Variants in ROBO2 observed in about 807,000 individuals in gnomAD.
The protein encoded by ROBO2 is roundabout guidance receptor 2, also known as roundabout homolog 2.
Under a neutral mutation model 160.8 loss-of-function variants are expected in ROBO2, and 53 were observed. The observed-to-expected ratio is 0.33, with a 90% CI of 0.26 to 0.41. ROBO2 has a LOEUF of 0.41. Among genes scored for constraint, ROBO2 ranks in the 10% least tolerant of loss-of-function variants. The probability of loss-of-function intolerance (pLI) is 1.00; values close to 1 mark genes in which losing one functional copy is unlikely to be tolerated. For synonymous variants in ROBO2, 664 were observed against 611.7 expected, an observed-to-expected ratio of 1.09 and a Z score of -1.26; for missense variants, 1,577 against 1,722.4, an observed-to-expected ratio of 0.92 and a Z score of 1.49.
chr3:77,131,076 G>A (rs904460035), intron 2 of ROBO2, among the ~76,000 whole-genome samples: 1 of 152,034 alleles, frequency 6.6e-6, no homozygotes, highest in East Asian at 1.9e-4. Flanking sequence ...AGTGAAAATG[G>A]CATTAATGGG....
At chr3:77,486,837 T>A (rs1228345788) in intron 4 of ROBO2, among the ~76,000 whole-genome samples, 1 of 152,078 alleles carries the variant, frequency 6.6e-6, no homozygotes, top group African/African-American at 2.4e-5. Context: ...TTCCCCACCA[T>A]CCCCCACCAC....
At chr3:77,500,841 A>C (rs1325404518) in intron 5 of ROBO2, among the ~76,000 whole-genome samples, 1 of 152,192 alleles carries the variant, frequency 6.6e-6, no homozygotes, top group Non-Finnish European at 1.5e-5. Flanking sequence ...TCTGTTAAGA[A>C]TCTCAGCTTA....
At chr3:77,233,772 CTTATTAATTA>C (rs2087551070) in intron 2 of ROBO2, among the ~76,000 whole-genome samples, 1 of 151,882 alleles carries the variant, frequency 6.6e-6, no homozygotes, top group African/African-American at 2.4e-5. Context: ...GCAATTAATT[CTTATTAATTA>C]CCTTATATCT....
At chr3:76,559,602 C>T (rs181411660) in intron 2 of ROBO2, among the ~76,000 whole-genome samples, 5 of 152,148 alleles carry the variant, frequency 3.3e-5, no homozygotes, top group East Asian at 1.9e-4. Context: ...TGGCCAAAAG[C>T]GGTGGGATGC....
At chr3:76,776,967 A>G (rs1356853546) in intron 2 of ROBO2, among the ~76,000 whole-genome samples, 1 of 150,992 alleles carries the variant, frequency 6.6e-6, no homozygotes, top group African/African-American at 2.4e-5. Context: ...ACTCACGTTC[A>G]GAGTATCTTG....
chr3:76,655,858 A>G (rs1171054318), intron 2 of ROBO2, among the ~76,000 whole-genome samples: 1 of 151,920 alleles, frequency 6.6e-6, no homozygotes, highest in East Asian at 2.0e-4. Flanking sequence ...AATATATTTC[A>G]ACACAAAGTT....
At chr3:77,606,104 G>T (rs1168146720) in intron 20 of ROBO2, among the ~76,000 whole-genome samples, 1 of 152,106 alleles carries the variant, frequency 6.6e-6, no homozygotes, top group Non-Finnish European at 1.5e-5. Flanking sequence ...CAAGTTTATT[G>T]TTATTCTGAG....
At chr3:76,396,488 G>A (rs2077456692) in intron 2 of ROBO2, among the ~76,000 whole-genome samples, 1 of 152,052 alleles carries the variant, frequency 6.6e-6, no homozygotes, top group Admixed American at 6.6e-5. Flanking sequence ...TTAGGCAGGA[G>A]AAGGAAATAA....
intron 2 of ROBO2, among the ~76,000 whole-genome samples, chr3:76,665,972 TATA>T (rs1437798740): frequency 5.0e-5 from 7 of 140,170 alleles, no homozygotes; most frequent in Non-Finnish European, 4.6e-5. Context: ...ATATAATATA[TATA>T]ATATATACAT....
chr3:76,593,114 A>G (rs2086519814), intron 2 of ROBO2, among the ~76,000 whole-genome samples: 1 of 152,118 alleles, frequency 6.6e-6, no homozygotes, highest in South Asian at 2.1e-4. Context: ...ACTACCATGT[A>G]CCATTCACTG....
At chr3:77,121,629 A>G (rs1244147150) in intron 2 of ROBO2, among the ~76,000 whole-genome samples, 2 of 152,038 alleles carry the variant, frequency 1.3e-5, no homozygotes, top group Non-Finnish European at 2.9e-5. Flanking sequence ...CTGCTTAACT[A>G]CTTAAGCCAG....
chr3:75,959,479 G>A (rs598021), intron 2 of ROBO2, among the ~76,000 whole-genome samples: 119,123 of 151,570 alleles, frequency 0.79, 47,353 homozygotes, highest in Middle Eastern at 0.89. Context: ...GAGCTACAGC[G>A]TAAAACATCT....
chr3:76,935,721 T>C (rs2077655817), intron 2 of ROBO2, among the ~76,000 whole-genome samples: 1 of 152,210 alleles, frequency 6.6e-6, no homozygotes, highest in African/African-American at 2.4e-5. Flanking sequence ...ATAGTGAAAG[T>C]GTAAAACAGC....
At chr3:76,314,800 A>C (rs1181851263) in intron 2 of ROBO2, among the ~76,000 whole-genome samples, 1 of 152,138 alleles carries the variant, frequency 6.6e-6, no homozygotes, top group Non-Finnish European at 1.5e-5. Flanking sequence ...GCTTCCAGTC[A>C]ACAGTGGGTT....
intron 2 of ROBO2, among the ~76,000 whole-genome samples, chr3:76,493,860 T>C (rs2079989875): frequency 6.6e-6 from 1 of 152,192 alleles, no homozygotes; most frequent in Non-Finnish European, 1.5e-5. Context: ...ATTCCTTTTA[T>C]TTGTTTTTAA....
At chr3:76,896,447 C>T (rs2074782603) in intron 2 of ROBO2, among the ~76,000 whole-genome samples, 1 of 151,786 alleles carries the variant, frequency 6.6e-6, no homozygotes, top group Non-Finnish European at 1.5e-5. Context: ...GCATTTAATG[C>T]AAAGAATATA....
chr3:76,925,223 A>ATAAAAT lies in ROBO2; in HGVS notation c.110-172791_110-172790insTAAAAT, dbSNP rs551812331. Among the ~76,000 whole-genome samples the ATAAAAT allele has an allele frequency of 2.0e-4, 18 of 89,364 alleles. No homozygotes were observed. In the Middle Eastern group the frequency reaches 0.02, roughly 98 times the overall value. 58.6% of individuals were successfully genotyped at this position (89,364 alleles called of 152,430 possible). A position where few individuals can be genotyped will look rare whatever the true frequency, so the allele number is the denominator to read the frequency against. On this transcript the variant is annotated intron_variant, in intron 2 of 26. Coordinates refer to the ROBO2 transcript ENST00000487694. ...GAGACTCCGTCTCAAAAAAAAAAAA[A>ATAAAAT]AAAAAAAATCTGGTTTGCTTTTCTA...
intron 2 of ROBO2, among the ~76,000 whole-genome samples, chr3:76,195,609 G>C (rs1559630320): frequency 6.6e-6 from 1 of 152,192 alleles, no homozygotes; most frequent in African/African-American, 2.4e-5. Context: ...AGTTCTTAGA[G>C]AGTTTAATAG....
chr3:76,670,479 T>C (rs2092224471), intron 2 of ROBO2, among the ~76,000 whole-genome samples: 1 of 152,122 alleles, frequency 6.6e-6, no homozygotes. Context: ...CTGTATTTAA[T>C]ATACTACATA....
Sources: gnomAD v4.1 joint callset for allele counts (sites outside exome capture counted in the v4.1 genomes callset) on GRCh38, gnomAD v4.1.1 for gene constraint, MANE v1.5 for transcripts, NCBI Gene and HGNC (gene_info 2026-07-23, HGNC 2026-07-21) for gene names.